The following DENND4C variants were observed in gnomAD, a reference collection of about 807,000 sequenced individuals.
DENND4C encodes the protein DENN domain containing 4C.
DENND4C carries 108 observed loss-of-function variants against 203.0 expected under a neutral mutation model. The observed-to-expected ratio is 0.53, with a 90% confidence interval of 0.46 to 0.62. The LOEUF (loss-of-function observed/expected upper bound fraction) is 0.62, where lower values mean the gene tolerates loss of function less well. DENND4C is among the 20% of genes least tolerant of loss of function. The probability of loss-of-function intolerance (pLI) is 0.00; values close to 1 mark genes in which losing one functional copy is unlikely to be tolerated. For missense variants in DENND4C, 2,481 were observed against 2,301.2 expected (o/e 1.08, Z -1.60); for synonymous variants, 871 against 792.4 (o/e 1.10, Z -1.67).
chr9:19,285,099 A>T (rs1417377804), intron 2 of DENND4C, among the ~76,000 whole-genome samples: 1 of 152,154 alleles, frequency 6.6e-6, no homozygotes, highest in Non-Finnish European at 1.5e-5. Flanking sequence ...TTTTCCAAAT[A>T]ACAATCCAGT....
intron 1 of DENND4C, among the ~76,000 whole-genome samples, chr9:19,245,998 T>C (rs537444461): frequency 4.6e-5 from 7 of 152,208 alleles, no homozygotes; most frequent in Non-Finnish European, 8.8e-5. Context: ...TGGACATTTC[T>C]TGGATTCCAT....
intron 1 of DENND4C, among the ~76,000 whole-genome samples, chr9:19,269,748 G>A (rs1373024246): frequency 6.6e-6 from 1 of 152,102 alleles, no homozygotes; most frequent in Non-Finnish European, 1.5e-5. Context: ...TCCAGGATTG[G>A]TCACTGGTGC....
intron 10 of DENND4C, among the ~76,000 whole-genome samples, chr9:19,309,232 G>A (rs1242952552): frequency 1.3e-5 from 2 of 152,136 alleles, no homozygotes; most frequent in Non-Finnish European, 2.9e-5. Context: ...AGACCAGCCT[G>A]ACCAACATGG....
chr9:19,249,427 T>C (rs953542490), intron 1 of DENND4C, among the ~76,000 whole-genome samples: 3 of 151,956 alleles, frequency 2.0e-5, no homozygotes, highest in Non-Finnish European at 4.4e-5. Flanking sequence ...TAATTTTTTT[T>C]GTATTTTTAG....
chr9:19,360,124 A>G, intron 28 of DENND4C, 120 bp from the exon 29 acceptor site: 1 of 998,300 alleles, frequency 1.0e-6, no homozygotes, highest in South Asian at 1.5e-5. Flanking sequence ...TCTTGCATGT[A>G]GCAATGGTCC....
At chr9:19,288,842 T>C (rs1835718701) in intron 4 of DENND4C, among the ~76,000 whole-genome samples, 177 bp downstream of exon 4, 2 of 152,208 alleles carry the variant, frequency 1.3e-5, no homozygotes, top group South Asian at 2.1e-4. Context: ...ATACAAGATA[T>C]ATTAATACCC....
At chr9:19,288,561 T>C (rs889531653) in intron 3 of DENND4C, 35 bp from the exon 4 acceptor site, 4 of 1,199,280 alleles carry the variant, frequency 3.3e-6, no homozygotes, top group South Asian at 4.2e-5. Context: ...TTTCACTCTT[T>C]TGTCTTTTTT....
chr9:19,365,735 C>G (rs1171260174), intron 30 of DENND4C, among the ~76,000 whole-genome samples: 2 of 151,306 alleles, frequency 1.3e-5, no homozygotes, highest in African/African-American at 4.8e-5. Context: ...AGCAAGGTTC[C>G]AGGCTATAAG....
At chr9:19,327,539 A>G (rs573820938) in intron 15 of DENND4C, among the ~76,000 whole-genome samples, 1 of 152,064 alleles carries the variant, frequency 6.6e-6, no homozygotes, top group Admixed American at 6.5e-5. Flanking sequence ...ATATGAAAAT[A>G]TTTAATTGGA....
At chr9:19,314,892 T>G (rs912786669) in intron 10 of DENND4C, among the ~76,000 whole-genome samples, 2 of 152,106 alleles carry the variant, frequency 1.3e-5, no homozygotes, top group African/African-American at 4.8e-5. Context: ...CTGAGTGCAG[T>G]GGCTCATGCC....
chr9:19,367,176 TAAAAA>T (rs1164781369), intron 30 of DENND4C, among the ~76,000 whole-genome samples: 1 of 151,354 alleles, frequency 6.6e-6, no homozygotes, highest in East Asian at 1.9e-4. Context: ...ATGGCTATAA[TAAAAA>T]AAAATAATAA....
At chr9:19,318,287 C>G (rs1037238365) in intron 12 of DENND4C, among the ~76,000 whole-genome samples, 6 of 151,884 alleles carry the variant, frequency 4.0e-5, no homozygotes, top group Non-Finnish European at 7.4e-5. Flanking sequence ...CCACTGCACT[C>G]CAGCCTGGGC....
intron 1 of DENND4C, among the ~76,000 whole-genome samples, chr9:19,270,122 T>A (rs1307537852): frequency 6.6e-6 from 1 of 152,128 alleles, no homozygotes; most frequent in African/African-American, 2.4e-5. Context: ...ACAAATGGCA[T>A]CGCTCTCCAT....
chr9:19,248,581 G>T (rs1019350117), intron 1 of DENND4C, among the ~76,000 whole-genome samples: 6 of 151,890 alleles, frequency 4.0e-5, no homozygotes, highest in East Asian at 1.9e-4. Context: ...GTAAAGATGG[G>T]GTTTCTCCAT....
intron 1 of DENND4C, among the ~76,000 whole-genome samples, chr9:19,239,995 T>C (rs1823269701): frequency 1.3e-5 from 2 of 152,222 alleles, no homozygotes; most frequent in Admixed American, 1.3e-4. Flanking sequence ...GTTCTGTGAA[T>C]TATTGCATCA....
At chr9:19,301,032 G>C (rs1838456607) in intron 9 of DENND4C, among the ~76,000 whole-genome samples, 1 of 152,116 alleles carries the variant, frequency 6.6e-6, no homozygotes, top group South Asian at 2.1e-4. Flanking sequence ...CACAAAGTTA[G>C]CCGGGTGTGG....
chr9:19,234,966 T>C (rs1821558054), intron 1 of DENND4C, among the ~76,000 whole-genome samples: 1 of 150,724 alleles, frequency 6.6e-6, no homozygotes, highest in African/African-American at 2.4e-5. Flanking sequence ...TTTTTTTTTC[T>C]TTCTTTTTTT....
intron 3 of DENND4C, 81 bp downstream of exon 3, chr9:19,287,102 A>G (rs1588845625): frequency 8.8e-7 from 1 of 1,133,656 alleles, no homozygotes; most frequent in Non-Finnish European, 1.1e-6. Context: ...ACTGTTGGGT[A>G]TATACTCACA....
intron 19 of DENND4C, 132 bp downstream of exon 19, chr9:19,336,546 C>T (rs762882809): frequency 5.2e-5 from 74 of 1,431,246 alleles, no homozygotes; most frequent in Non-Finnish European, 6.8e-5. Context: ...GACAGATTGT[C>T]TTAGTCCAAA....
Sources: allele counts gnomAD v4.1 joint callset (sites outside exome capture counted in the v4.1 genomes callset), GRCh38; gene constraint gnomAD v4.1.1; transcripts MANE v1.5; gene names NCBI Gene and HGNC (gene_info 2026-07-23, HGNC 2026-07-21).